DGLUCY: variants seen among roughly 807,000 people sequenced by gnomAD.
DGLUCY encodes D-glutamate cyclase.
In DGLUCY, 58 loss-of-function variants were observed where a neutral mutation model predicts 58.5. The ratio of observed to expected loss-of-function variants is 0.99; its 90% CI spans 0.80 to 1.23. The LOEUF is 1.23. DGLUCY is among the 50% of genes most tolerant of loss of function. DGLUCY has a pLI of 0.00. For synonymous variants in DGLUCY, 325 were observed against 314.1 expected (o/e 1.03, Z -0.37); for missense variants, 779 against 784.7 (o/e 0.99, Z 0.09).
chr14:91,197,228 A>G (rs949922908), intron 10 of DGLUCY, among the ~76,000 whole-genome samples: 3 of 152,128 alleles, frequency 2.0e-5, no homozygotes, highest in Non-Finnish European at 2.9e-5. Context: ...TGGCCTCCCA[A>G]AGTGCCAGGA....
chr14:91,069,654 T>A (rs2043882845), intron 1 of DGLUCY, among the ~76,000 whole-genome samples: 1 of 152,048 alleles, frequency 6.6e-6, no homozygotes, highest in Non-Finnish European at 1.5e-5. Context: ...TCTTTTTTTT[T>A]AAGAAATGTG....
chr14:91,121,408 G>T (rs1270836384), intron 1 of DGLUCY, among the ~76,000 whole-genome samples: 1 of 151,966 alleles, frequency 6.6e-6, no homozygotes, highest in Admixed American at 6.6e-5. Flanking sequence ...AATATTTTTG[G>T]CTGGGCGCAG....
At chr14:91,082,611 A>G (rs935680387) in intron 1 of DGLUCY, among the ~76,000 whole-genome samples, 21 of 152,182 alleles carry the variant, frequency 1.4e-4, no homozygotes, top group Non-Finnish European at 2.9e-4. Flanking sequence ...GAAGATGACA[A>G]TTAATTGCAA....
At chr14:91,096,689 C>T (rs894312737) in intron 1 of DGLUCY, among the ~76,000 whole-genome samples, 9 of 152,290 alleles carry the variant, frequency 5.9e-5, no homozygotes, top group African/African-American at 2.2e-4. Flanking sequence ...CTGCCCACCC[C>T]CCTGGCTTGT....
At chr14:91,205,264 A>G (rs565982106) in intron 12 of DGLUCY, among the ~76,000 whole-genome samples, 9 of 152,082 alleles carry the variant, frequency 5.9e-5, no homozygotes, top group Non-Finnish European at 1.2e-4. Flanking sequence ...CAGTAAGAAA[A>G]CTATCTGGTA....
chr14:91,097,594 G>A (rs998440281), intron 1 of DGLUCY, among the ~76,000 whole-genome samples: 41 of 152,056 alleles, frequency 2.7e-4, no homozygotes, highest in Non-Finnish European at 3.1e-4. Flanking sequence ...GTCCCCACAA[G>A]GCAGGCTTGT....
At chr14:91,115,756 G>A (rs1468046445) in intron 1 of DGLUCY, among the ~76,000 whole-genome samples, 1 of 152,206 alleles carries the variant, frequency 6.6e-6, no homozygotes, top group Non-Finnish European at 1.5e-5. Flanking sequence ...CTGAGGGCTA[G>A]ATCCCCGGAG....
intron 13 of DGLUCY, among the ~76,000 whole-genome samples, chr14:91,219,332 G>A (rs1245522130): frequency 6.6e-6 from 1 of 152,204 alleles, no homozygotes; most frequent in Non-Finnish European, 1.5e-5. Context: ...AGCCAGGTAA[G>A]GAAGGGTGGA....
chr14:91,170,704 A>T (rs1421710376), intron 5 of DGLUCY, among the ~76,000 whole-genome samples: 4 of 152,032 alleles, frequency 2.6e-5, no homozygotes, highest in Non-Finnish European at 5.9e-5. Flanking sequence ...CGTCTCTGGG[A>T]CGTGCCTGCT....
upstream of DGLUCY, among the ~76,000 whole-genome samples, chr14:91,110,333 G>A (rs1016803361): frequency 1.3e-5 from 2 of 152,050 alleles, no homozygotes; most frequent in Non-Finnish European, 2.9e-5. Context: ...AGAAAAAATG[G>A]AAAAGGAAAA....
At chr14:91,115,426 T>A (rs560044168) in intron 1 of DGLUCY, among the ~76,000 whole-genome samples, 3 of 152,250 alleles carry the variant, frequency 2.0e-5, no homozygotes, top group South Asian at 2.1e-4. Flanking sequence ...GCACCTTTTT[T>A]TCCCCCCTTC....
rs774601281 is a variant in DGLUCY at position 91,215,422 on chromosome 14, G to A, written c.1582G>A (p.Gly528Ser). 3.7e-6 allele frequency: 6 copies of A among 1,607,940 alleles called. No individual in the cohort carries two copies. In the East Asian group the frequency reaches 1.1e-4, roughly 30 times the overall value. The change falls in exon 13 of 14, where the codon GGC becomes AGC. Residue 528 changes from glycine (G) to serine (S), a missense_variant. Transcript: ENST00000256324. ...TGTTCTAGGTGTTTCTAACTGGGGA[G>A]GCTATGCCCTGGCCTGCGCACTCTA... ...AVIAGVSNWG[G>S]YALACALYIL...
At chr14:91,116,636 G>A (rs970038450) in intron 1 of DGLUCY, among the ~76,000 whole-genome samples, 1 of 152,112 alleles carries the variant, frequency 6.6e-6, no homozygotes, top group Non-Finnish European at 1.5e-5. Context: ...GGAAGTGAAA[G>A]CAAGTTTATT....
chr14:91,167,126 C>T (rs1406232377), intron 3 of DGLUCY, 99 bp from the exon 4 acceptor site: 18 of 1,419,604 alleles, frequency 1.3e-5, no homozygotes, highest in East Asian at 7.0e-5. Flanking sequence ...GCTACAAGAG[C>T]GAAACTCCGC....
chr14:91,122,198 GT>G (rs2045411531), intron 1 of DGLUCY, among the ~76,000 whole-genome samples: 1 of 150,116 alleles, frequency 6.7e-6, no homozygotes, highest in Non-Finnish European at 1.5e-5. Context: ...GTCCCACCCT[GT>G]TCCCCAGGCT....
At chr14:91,083,522 C>CA (rs761458676) in intron 1 of DGLUCY, among the ~76,000 whole-genome samples, 3,853 of 51,680 alleles carry the variant, frequency 0.075, 176 homozygotes, top group African/African-American at 0.18. Context: ...GATTCCGTCT[C>CA]AAAAAAAAAA....
chr14:91,128,465 A>G (rs2140183099), intron 1 of DGLUCY, among the ~76,000 whole-genome samples: 1 of 152,168 alleles, frequency 6.6e-6, no homozygotes, highest in African/African-American at 2.4e-5. Flanking sequence ...CTGCACTCCC[A>G]CCTGTGTGAC....
chr14:91,159,988 C>G (rs1432133561), intron 2 of DGLUCY, among the ~76,000 whole-genome samples: 3 of 152,132 alleles, frequency 2.0e-5, no homozygotes, highest in Non-Finnish European at 4.4e-5. Flanking sequence ...GGAGAAGACT[C>G]TGCAGCTCCC....
chr14:91,149,165 T>G (rs1250755135), intron 1 of DGLUCY, among the ~76,000 whole-genome samples: 2 of 151,224 alleles, frequency 1.3e-5, no homozygotes, highest in African/African-American at 4.9e-5. Flanking sequence ...GAGAATCACT[T>G]GAACCCGTGC....
Sources: allele counts gnomAD v4.1 joint callset (sites outside exome capture counted in the v4.1 genomes callset), GRCh38; gene constraint gnomAD v4.1.1; transcripts MANE v1.5; gene names NCBI Gene and HGNC (gene_info 2026-07-23, HGNC 2026-07-21).